GRHL1: variants seen among roughly 807,000 people sequenced by gnomAD.
GRHL1 encodes grainyhead-like protein 1 homolog.
GRHL1 carries 38 observed loss-of-function variants against 75.7 expected under a neutral mutation model. The ratio of observed to expected loss-of-function variants is 0.50; its 90% confidence interval spans 0.39 to 0.66. GRHL1 has a LOEUF of 0.66. GRHL1 is among the 30% of genes least tolerant of loss of function. GRHL1 has a pLI of 0.00. For missense variants in GRHL1, 589 were observed against 767.5 expected (o/e 0.77, Z 2.75); for synonymous variants, 266 against 279.4 (o/e 0.95, Z 0.48).
Position 9,992,157 on chromosome 2 carries a change from A to G in GRHL1, c.1461+11A>G. ...CAGCGGGGCACTCATGTAGGTAACC[A>G]GGATCCCAGGGGAGGTTACCAGGAA... On this transcript the variant is annotated intron_variant, in intron 11 of 15. Transcript: ENST00000324907. This position sits in a 1 kb window ranked among gnomAD's most constrained non-coding sequence, Gnocchi z 4.6. 6.2e-7 allele frequency: 1 copy of G among 1,609,696 alleles called. No homozygotes were observed. The highest frequency in any genetic ancestry group is 1.1e-5 in the South Asian group (1 of 89,344).
chr2:9,958,503 G>C (rs554422876), intron 2 of GRHL1, among the ~76,000 whole-genome samples: 1 of 151,476 alleles, frequency 6.6e-6, no homozygotes, highest in Non-Finnish European at 1.5e-5. Flanking sequence ...TTTTTTTTAA[G>C]AGATGAGACC....
intron 8 of GRHL1, among the ~76,000 whole-genome samples, chr2:9,973,321 C>T (rs1240477773): frequency 6.6e-6 from 1 of 152,220 alleles, no homozygotes; most frequent in East Asian, 1.9e-4. Flanking sequence ...TTGGGCCTCA[C>T]GAATTAATGG....
intron 2 of GRHL1, among the ~76,000 whole-genome samples, chr2:9,958,018 A>G (rs1667107480): frequency 6.6e-6 from 1 of 152,196 alleles, no homozygotes; most frequent in African/African-American, 2.4e-5. Context: ...AAGGGTTAAC[A>G]TGGCTGTTCC....
chr2:9,972,066 A>C (rs1370147761), intron 8 of GRHL1, among the ~76,000 whole-genome samples: 1 of 152,176 alleles, frequency 6.6e-6, no homozygotes, highest in African/African-American at 2.4e-5. Flanking sequence ...CTGTCTCTGG[A>C]CCAGGGAGGG....
chr2:9,954,510 C>A (rs989066236), intron 1 of GRHL1, among the ~76,000 whole-genome samples: 1 of 152,146 alleles, frequency 6.6e-6, no homozygotes, highest in Non-Finnish European at 1.5e-5. Context: ...GTGTGATGAA[C>A]GGCACACGCT....
At chr2:9,958,679 T>G in intron 2 of GRHL1, 107 bp from the exon 3 acceptor site, 1 of 794,544 alleles carries the variant, frequency 1.3e-6, no homozygotes, top group Non-Finnish European at 2.1e-6. Flanking sequence ...AGGCAACCAG[T>G]AGATAAATGA....
chr2:9,971,270 A>G (rs775900862), intron 8 of GRHL1, among the ~76,000 whole-genome samples: 3 of 152,212 alleles, frequency 2.0e-5, no homozygotes, highest in Non-Finnish European at 4.4e-5. Context: ...TGGTTCCATT[A>G]GGCAGGGACA....
rs746923530 is a variant in GRHL1, at chr2:9,964,005, G to T, written c.866G>T (p.Ser289Ile). Residue 289 changes from serine (S) to isoleucine (I), a missense_variant, in exon 6 of 16, where the codon AGC becomes ATC. This residue lies in a region of GRHL1 where 362 missense variants were observed against 461.8 expected (regional missense o/e 0.78). Transcript: ENST00000324907. ...FYPITLKEVS[S>I]SEGIHHPISK... ...CCCATCACCTTGAAGGAGGTGAGCA[G>T]CAGTGAAGGAATCCATCATCCCATC... 1.9e-6 allele frequency: 3 copies of T among 1,613,806 alleles called. No individual in the cohort carries two copies. The East Asian group carries it at 6.7e-5, about 36-fold the overall frequency.
rs1669245027 is a variant in GRHL1, at chr2:10,000,991, A to C, written c.*284A>C. The C allele has an allele frequency of 8.7e-6, 2 of 230,042 alleles. No homozygotes were observed. The highest frequency in any genetic ancestry group is 5.7e-5 in the Admixed American group (1 of 17,438). The allele number at this position is 230,042 out of a possible 1,614,324, so 14.3% of individuals were successfully genotyped here. On this transcript the variant is annotated 3_prime_UTR_variant, in exon 16 of 16. Coordinates refer to ENST00000324907, the MANE Select transcript of GRHL1 (RefSeq NM_198182.3). ...AAAACTTTATTCCAAGAGTTAACAG[A>C]GTCTCTGGGAAGCTTTAGGACATCT...
intron 9 of GRHL1, 119 bp downstream of exon 9, chr2:9,986,401 T>C: frequency 2.0e-6 from 1 of 494,104 alleles, no homozygotes; most frequent in South Asian, 6.8e-5. Context: ...GAATAACTTT[T>C]AAAATTATTT....
chr2:9,951,787 C>T lies in GRHL1; in HGVS notation c.-47C>T, dbSNP rs753431567. ...TCCCCCCGGATCGGGTGTACTGTCCCAACCCGAAAGTCCAGTTCTGCGGCC... is the reference window on the plus strand; with the variant it reads ...TCCCCCCGGATCGGGTGTACTGTCCTAACCCGAAAGTCCAGTTCTGCGGCC... On this transcript the variant is annotated 5_prime_UTR_variant, in exon 1 of 16. Transcript: ENST00000324907. This position sits in a 1 kb window ranked among gnomAD's most constrained non-coding sequence, Gnocchi z 4.2. 2 of 1,513,920 alleles carry T rather than the reference C, an allele frequency of 1.3e-6. No homozygotes were observed. Among genetic ancestry groups the T allele is most frequent in the Middle Eastern group, 1.8e-4 (1 of 5,644 alleles). The allele number at this position is 1,513,920 out of a possible 1,614,324, so 93.8% of individuals were successfully genotyped here.
At chr2:9,981,006 C>T (rs1668173701) in intron 8 of GRHL1, among the ~76,000 whole-genome samples, 1 of 152,252 alleles carries the variant, frequency 6.6e-6, no homozygotes, top group African/African-American at 2.4e-5. Flanking sequence ...TGGTCTTGCT[C>T]ACTCGGGGCT....
intron 8 of GRHL1, among the ~76,000 whole-genome samples, chr2:9,969,968 G>A (rs1490706744): frequency 2.7e-5 from 4 of 150,096 alleles, no homozygotes; most frequent in East Asian, 2.0e-4. Context: ...TCAGCCTCCC[G>A]AGTAGCTGGG....
intron 1 of GRHL1, chr2:9,952,982 C>T (rs1288978141): frequency 4.4e-6 from 2 of 456,436 alleles, no homozygotes. Context: ...TAAGGCTCAC[C>T]TGAAAGTGAT....
At chr2:9,982,363 C>T (rs6432047) in intron 8 of GRHL1, among the ~76,000 whole-genome samples, 36,080 of 152,022 alleles carry the variant, frequency 0.24, 4,520 homozygotes, top group Admixed American at 0.34. Flanking sequence ...CTATCTTGGC[C>T]AATCACTCGA....
chr2:9,971,856 C>G (rs1003719659), intron 8 of GRHL1, among the ~76,000 whole-genome samples: 1 of 152,254 alleles, frequency 6.6e-6, no homozygotes, highest in East Asian at 1.9e-4. Context: ...AGCTGCTGTT[C>G]TGGGGGTGAT....
chr2:9,959,381 T>C (rs908370694), intron 3 of GRHL1: 1 of 152,516 alleles, frequency 6.6e-6, no homozygotes, highest in African/African-American at 2.4e-5. Context: ...TTATTATCAA[T>C]CAAGGAATGA....
At chr2:9,965,494 G>A in intron 8 of GRHL1, 113 bp downstream of exon 8, 1 of 639,410 alleles carries the variant, frequency 1.6e-6, no homozygotes, top group Non-Finnish European at 2.8e-6. Flanking sequence ...TTCATTCTCA[G>A]GTGTTATGAA....
intron 1 of GRHL1, among the ~76,000 whole-genome samples, chr2:9,954,191 A>AT (rs1159502487): frequency 3.3e-5 from 5 of 151,858 alleles, no homozygotes; most frequent in South Asian, 4.2e-4. Context: ...TTTCCCACCT[A>AT]TTTTTTTTAA....
Sources: gnomAD v4.1 joint callset for allele counts (sites outside exome capture counted in the v4.1 genomes callset) on GRCh38, gnomAD v4.1.1 for gene constraint, gnomAD v4.1.1 regional missense constraint, Gnocchi (gnomAD v3.1) non-coding constraint, MANE v1.5 for transcripts, NCBI Gene and HGNC (gene_info 2026-07-23, HGNC 2026-07-21) for gene names.